Variants in CERS6 observed in about 807,000 individuals in gnomAD.
The protein encoded by CERS6 is LAG1 homolog, ceramide synthase 6.
In CERS6, 26 loss-of-function variants were observed where a neutral mutation model predicts 56.8. The ratio of observed to expected loss-of-function variants is 0.46; its 90% confidence interval spans 0.34 to 0.63. The LOEUF (loss-of-function observed/expected upper bound fraction) is 0.63. Among genes scored for constraint, CERS6 ranks in the 30% least tolerant of loss-of-function variants. The pLI is 0.01. For missense variants in CERS6, 415 were observed against 467.5 expected, an observed-to-expected ratio of 0.89 and a Z score of 1.04; for synonymous variants, 164 against 173.3, an observed-to-expected ratio of 0.95 and a Z score of 0.42.
chr2:168,486,567 C>A lies in CERS6; in HGVS notation c.170+29949C>A, dbSNP rs75499891. Among the ~76,000 whole-genome samples the A allele has an allele frequency of 3.8e-3, 559 of 146,622 alleles. 3 individuals are homozygous for A. The highest frequency in any genetic ancestry group is 0.012 in the African/African-American group (477 of 40,676). ...TATGGCTGTTTAATTGTTCCGGAACCATTTGTTGAAAAGACAATCGTTTTT... is the reference window on the plus strand; with the variant it reads ...TATGGCTGTTTAATTGTTCCGGAACAATTTGTTGAAAAGACAATCGTTTTT... On this transcript the variant is annotated intron_variant, in intron 1 of 9. Coordinates refer to ENST00000305747, the MANE Select transcript of CERS6 (RefSeq NM_203463.3).
chr2:168,693,739 G>A (rs1432773517), intron 5 of CERS6, among the ~76,000 whole-genome samples: 1 of 152,062 alleles, frequency 6.6e-6, no homozygotes, highest in African/African-American at 2.4e-5. Context: ...CCACTCTGAT[G>A]GCCTAATTAG....
chr2:168,538,824 T>C (rs1479467141), intron 1 of CERS6, among the ~76,000 whole-genome samples: 2 of 152,244 alleles, frequency 1.3e-5, no homozygotes, highest in Admixed American at 6.5e-5. Flanking sequence ...TCTGTGGCCT[T>C]TCTTCTTTGT....
chr2:168,557,114 G>A (rs993757946), intron 2 of CERS6, among the ~76,000 whole-genome samples: 11 of 152,026 alleles, frequency 7.2e-5, no homozygotes, highest in East Asian at 1.9e-4. Context: ...GCAGTGAGCC[G>A]TGATGGCGCC....
intron 9 of CERS6, chr2:168,766,236 C>A: frequency 7.8e-7 from 1 of 1,281,554 alleles, no homozygotes; most frequent in Non-Finnish European, 1.1e-6. Context: ...CAGCCCCAAC[C>A]CTGTGTGTAG....
At chr2:168,576,022 G>A (rs556463681) in intron 3 of CERS6, among the ~76,000 whole-genome samples, 4 of 152,152 alleles carry the variant, frequency 2.6e-5, no homozygotes, top group South Asian at 2.1e-4. Context: ...GTGGTAACAG[G>A]AAGGGAGTCC....
chr2:168,563,648 T>G (rs1695832447), intron 3 of CERS6, among the ~76,000 whole-genome samples: 1 of 151,964 alleles, frequency 6.6e-6, no homozygotes, highest in Non-Finnish European at 1.5e-5. Flanking sequence ...ATACAAAAAA[T>G]TAGCCAGATG....
At chr2:168,520,130 G>A (rs1282163729) in intron 1 of CERS6, among the ~76,000 whole-genome samples, 1 of 152,110 alleles carries the variant, frequency 6.6e-6, no homozygotes, top group East Asian at 1.9e-4. Flanking sequence ...ATTGTGTCTG[G>A]TGTGAGATCT....
chr2:168,741,273 A>C (rs1325702414), intron 8 of CERS6, among the ~76,000 whole-genome samples: 1 of 151,798 alleles, frequency 6.6e-6, no homozygotes, highest in South Asian at 2.1e-4. Flanking sequence ...TGTTATTTTG[A>C]ATAGGGTTTA....
chr2:168,553,534 A>G (rs748448143), intron 2 of CERS6, among the ~76,000 whole-genome samples: 16 of 152,132 alleles, frequency 1.1e-4, no homozygotes, highest in Admixed American at 8.5e-4. Flanking sequence ...CTATAATAAC[A>G]TTTTCAATAT....
chr2:168,456,989 GGCT>G lies in CERS6; in HGVS notation c.170+374_170+376del, dbSNP rs1430369788. 6.6e-6 allele frequency among the ~76,000 whole-genome samples: 1 copy of G among 152,234 alleles called. No individual in the cohort carries two copies. Among genetic ancestry groups the G allele is most frequent in the African/African-American group, 2.4e-5 (1 of 41,474 alleles). ...CCCTCTCCGCCGGCGCGCCACGCAAGGCTGCCAGGCAGGGCTTCCCGCCGGGGC... is the reference window on the plus strand; with the variant it reads ...CCCTCTCCGCCGGCGCGCCACGCAAGGCCAGGCAGGGCTTCCCGCCGGGGC... On this transcript the variant is annotated intron_variant, in intron 1 of 9. Transcript: ENST00000305747. The surrounding 1 kb of genome is among the most constrained non-coding windows in gnomAD (Gnocchi z 4.1).
rs776190693 is a variant in CERS6, at chr2:168,658,321, CG to C, written c.465+27281del. Among the ~76,000 whole-genome samples, 1,091 of 152,264 alleles carry C rather than the reference CG, an allele frequency of 7.2e-3. 16 individuals carry two copies. The highest frequency in any genetic ancestry group is 0.024 in the African/African-American group (1,016 of 41,544). On this transcript the variant is annotated intron_variant, in intron 4 of 9. Coordinates refer to ENST00000305747, the MANE Select transcript of CERS6 (RefSeq NM_203463.3). ...CCCAAGGAAGTAGATTTCGGCTCCC[CG>C]GCCTGGTCAAATTTTGAGGCCTCTG...
rs146551914 is a variant in CERS6, at chr2:168,553,243, C to T, written c.276+5542C>T. Among the ~76,000 whole-genome samples, 156 of 152,170 alleles carry T rather than the reference C, an allele frequency of 1.0e-3. 1 individual carries two copies. The highest frequency in any genetic ancestry group is 3.7e-3 in the African/African-American group (152 of 41,522). Reference sequence around the variant, plus strand: ...AAATGGATATATAGGCCAAGCAGATCCAGCATCTCTGTAATAGGAATCCCT... The same window carrying T: ...AAATGGATATATAGGCCAAGCAGATTCAGCATCTCTGTAATAGGAATCCCT... On this transcript the variant is annotated intron_variant, in intron 2 of 9. Transcript: ENST00000305747.
intron 1 of CERS6, among the ~76,000 whole-genome samples, chr2:168,528,558 A>C (rs2105360770): frequency 6.6e-6 from 1 of 152,270 alleles, no homozygotes; most frequent in South Asian, 2.1e-4. Context: ...TCTTTGGGAG[A>C]GTAACCTCTA....
chr2:168,593,407 C>T (rs79089238), intron 3 of CERS6, among the ~76,000 whole-genome samples: 4,871 of 152,172 alleles, frequency 0.032, 220 homozygotes, highest in African/African-American at 0.1. Context: ...ATTTGGAAAC[C>T]GCAGTTTTCT....
chr2:168,587,599 A>C (rs1165651093), intron 3 of CERS6, among the ~76,000 whole-genome samples: 1 of 152,170 alleles, frequency 6.6e-6, no homozygotes, highest in Non-Finnish European at 1.5e-5. Context: ...GTAGTTGCTA[A>C]GTGTCAGCTC....
chr2:168,590,887 A>C (rs759871694), intron 3 of CERS6, among the ~76,000 whole-genome samples: 5 of 152,258 alleles, frequency 3.3e-5, no homozygotes, highest in Non-Finnish European at 7.3e-5. Flanking sequence ...AATTACCACA[A>C]ACACTGAATC....
chr2:168,700,482 C>G (rs1266916408), intron 6 of CERS6, among the ~76,000 whole-genome samples: 1 of 152,040 alleles, frequency 6.6e-6, no homozygotes, highest in Non-Finnish European at 1.5e-5. Flanking sequence ...ACCATTGATT[C>G]ATAAAGGAAA....
intron 8 of CERS6, among the ~76,000 whole-genome samples, chr2:168,754,184 G>C (rs573939341): frequency 6.6e-6 from 1 of 152,172 alleles, no homozygotes; most frequent in Non-Finnish European, 1.5e-5. Flanking sequence ...CATGAGAGAT[G>C]AGAACAAGGA....
At chr2:168,460,581 C>T (rs904532470) in intron 1 of CERS6, among the ~76,000 whole-genome samples, 2 of 152,116 alleles carry the variant, frequency 1.3e-5, no homozygotes, top group Non-Finnish European at 2.9e-5. Flanking sequence ...TCAAAAGAAT[C>T]ATTTGGGCTG....
Sources: gnomAD v4.1 joint callset for allele counts (sites outside exome capture counted in the v4.1 genomes callset) on GRCh38, gnomAD v4.1.1 for gene constraint, Gnocchi (gnomAD v3.1) non-coding constraint, MANE v1.5 for transcripts, NCBI Gene and HGNC (gene_info 2026-07-23, HGNC 2026-07-21) for gene names.